Variants in LPAR3 observed in about 807,000 individuals in gnomAD.
The protein encoded by LPAR3 is LPA receptor 3.
A neutral mutation model predicts 17.8 loss-of-function variants in LPAR3; 7 were observed. The observed-to-expected ratio is 0.39, with a 90% CI of 0.22 to 0.74. The LOEUF (loss-of-function observed/expected upper bound fraction) is 0.74. LPAR3 is among the 30% of genes least tolerant of loss of function. The pLI, the probability that LPAR3 is intolerant of heterozygous loss-of-function variation, is 0.40. For synonymous variants in LPAR3, 179 were observed against 179.9 expected (o/e 0.99, Z 0.04); for missense variants, 391 against 453.4 (o/e 0.86, Z 1.25).
chr1:84,827,179 G>T (rs1170203912), intron 2 of LPAR3, among the ~76,000 whole-genome samples: 1 of 152,162 alleles, frequency 6.6e-6, no homozygotes, highest in Non-Finnish European at 1.5e-5. Flanking sequence ...TGTTATTGCA[G>T]TATTAATTTA....
intron 2 of LPAR3, among the ~76,000 whole-genome samples, chr1:84,830,526 G>A (rs1659263260): frequency 6.6e-6 from 1 of 151,928 alleles, no homozygotes; most frequent in South Asian, 2.1e-4. Flanking sequence ...CCATTCCACA[G>A]CACACTCTTA....
chr1:84,858,843 T>C (rs1205725144), intron 2 of LPAR3, among the ~76,000 whole-genome samples: 1 of 152,224 alleles, frequency 6.6e-6, no homozygotes, highest in Non-Finnish European at 1.5e-5. Context: ...GATTGTTGTA[T>C]GGACAAGACT....
At chr1:84,837,025 A>AAT (rs1298961872) in intron 2 of LPAR3, among the ~76,000 whole-genome samples, 1 of 141,390 alleles carries the variant, frequency 7.1e-6, no homozygotes, top group Non-Finnish European at 1.5e-5. Flanking sequence ...TACTTTATCA[A>AAT]TTTTTTTTTT....
chr1:84,864,654 C>T (rs1017790872), intron 2 of LPAR3, among the ~76,000 whole-genome samples: 4 of 151,832 alleles, frequency 2.6e-5, no homozygotes, highest in African/African-American at 9.7e-5. Context: ...TGGTGGTGCG[C>T]TGCCTGTAAT....
Position 84,865,537 on chromosome 1 carries a change from T to C in LPAR3, c.584A>G (p.Asn195Ser). The C allele has an allele frequency of 6.2e-7, 1 of 1,614,138 alleles. No homozygotes were observed. The highest frequency in any genetic ancestry group is 8.5e-7 in the Non-Finnish European group (1 of 1,180,026). Residue 195 changes from asparagine to serine, a missense_variant, in exon 2 of 3, where the codon AAC (asparagine) becomes AGC (serine). Transcript: ENST00000370611. ...RSYLVFWTVS[N>S]LMAFLIMVVV... is the part of the protein sequence containing the mutation. ...AACCATGATGAGGAAGGCCATGAGGTTGGACACTGTCCAGAAAACAAGGTA... is the reference window on the plus strand; with the variant it reads ...AACCATGATGAGGAAGGCCATGAGGCTGGACACTGTCCAGAAAACAAGGTA...
chr1:84,855,020 G>A (rs1242605293), intron 2 of LPAR3, among the ~76,000 whole-genome samples: 1 of 152,192 alleles, frequency 6.6e-6, no homozygotes, highest in East Asian at 1.9e-4. Flanking sequence ...GGGAGAGCAG[G>A]TGGCTGGGCT....
intron 1 of LPAR3, among the ~76,000 whole-genome samples, chr1:84,882,146 C>A (rs1031623427): frequency 6.6e-6 from 1 of 152,150 alleles, no homozygotes; most frequent in Non-Finnish European, 1.5e-5. Flanking sequence ...TTGCAGGATA[C>A]AAAATGCACA....
At chr1:84,826,350 G>A (rs1334411086) in intron 2 of LPAR3, among the ~76,000 whole-genome samples, 1 of 151,742 alleles carries the variant, frequency 6.6e-6, no homozygotes, top group African/African-American at 2.4e-5. Flanking sequence ...CAAATACTCT[G>A]GGAATACTAT....
chr1:84,834,317 A>AT (rs1659352418), intron 2 of LPAR3, among the ~76,000 whole-genome samples: 1 of 152,240 alleles, frequency 6.6e-6, no homozygotes, highest in South Asian at 2.1e-4. Context: ...ATAAATGAAC[A>AT]ATCTGAAGAT....
rs1206774677 is a variant in LPAR3, at chr1:84,813,158, T to TATATATATATAGAGAGAGAGAGAGAG, written c.*687_*688insCTCTCTCTCTCTCTCTATATATATAT. ...ATATATATATATATATATATATATA[T>TATATATATATAGAGAGAGAGAGAGAG]AGACACACACACACACACACACACA... On this transcript the variant is annotated 3_prime_UTR_variant, in exon 3 of 3. Transcript: ENST00000370611. 23 of 101,676 alleles carry TATATATATATAGAGAGAGAGAGAGAG rather than the reference T, an allele frequency of 2.3e-4. No homozygotes were observed. Among genetic ancestry groups the TATATATATATAGAGAGAGAGAGAGAG allele is most frequent in the Non-Finnish European group, 4.4e-4 (21 of 47,300 alleles). The allele number at this position is 101,676 out of a possible 1,614,324, so 6.3% of individuals were successfully genotyped here. A position where few individuals can be genotyped will look rare whatever the true frequency, so the allele number is the denominator to read the frequency against.
chr1:84,869,809 T>G (rs1660124109), intron 1 of LPAR3, among the ~76,000 whole-genome samples: 1 of 152,202 alleles, frequency 6.6e-6, no homozygotes. Context: ...AGGAAAAGCC[T>G]CAAAGATTTG....
At chr1:84,846,698 G>T (rs771253390) in intron 2 of LPAR3, among the ~76,000 whole-genome samples, 1 of 152,000 alleles carries the variant, frequency 6.6e-6, no homozygotes, top group Non-Finnish European at 1.5e-5. Flanking sequence ...CCATTAAATT[G>T]CTTTCATTAC....
At chr1:84,865,239 TA>T in intron 2 of LPAR3, 145 bp downstream of exon 2, 1 of 770,996 alleles carries the variant, frequency 1.3e-6, no homozygotes, top group Non-Finnish European at 2.1e-6. Flanking sequence ...TATTAGAGTG[TA>T]AGCTCCAGGT....
At chr1:84,872,669 A>G (rs1396137534) in intron 1 of LPAR3, among the ~76,000 whole-genome samples, 3 of 152,244 alleles carry the variant, frequency 2.0e-5, no homozygotes, top group African/African-American at 7.2e-5. Context: ...AGAATACCAA[A>G]TAAATAACAT....
At position 84,872,780 on chromosome 1, in the gene LPAR3, G is replaced by C. The variant is rs564747224; in HGVS notation, c.-18-6642C>G. ...GCACAATATGGAAATGGGGCGGGCG[G>C]TGGGGGCAGTTAGTGACGTCTCAGC... On this transcript the variant is annotated intron_variant, in intron 1 of 2. Coordinates refer to ENST00000370611, the MANE Select transcript of LPAR3 (RefSeq NM_012152.3). Among the ~76,000 whole-genome samples the C allele has an allele frequency of 3.3e-5, 5 of 152,284 alleles. No homozygotes were observed. The South Asian group carries it at 1.0e-3, about 32-fold the overall frequency.
At chr1:84,851,782 A>G (rs567565182) in intron 2 of LPAR3, among the ~76,000 whole-genome samples, 1 of 152,328 alleles carries the variant, frequency 6.6e-6, no homozygotes, top group South Asian at 2.1e-4. Context: ...GAGTGCATAG[A>G]AAAGGAGGCT....
intron 1 of LPAR3, among the ~76,000 whole-genome samples, chr1:84,877,728 T>C (rs569941102): frequency 3.9e-4 from 59 of 152,276 alleles, no homozygotes; most frequent in African/African-American, 1.1e-3. Flanking sequence ...GGAGGTGGGG[T>C]GGGGAGTCCC....
chr1:84,843,725 T>C (rs556986391), intron 2 of LPAR3, among the ~76,000 whole-genome samples: 1 of 152,392 alleles, frequency 6.6e-6, no homozygotes, highest in African/African-American at 2.4e-5. Context: ...CATGGCATTC[T>C]ATAAAGAAAG....
intron 2 of LPAR3, among the ~76,000 whole-genome samples, chr1:84,835,409 G>C (rs1216141286): frequency 1.3e-5 from 2 of 152,188 alleles, no homozygotes; most frequent in Non-Finnish European, 1.5e-5. Flanking sequence ...CTGTTATCAA[G>C]AAGGTCTTAC....
Sources: gnomAD v4.1 joint callset for allele counts (sites outside exome capture counted in the v4.1 genomes callset) on GRCh38, gnomAD v4.1.1 for gene constraint, MANE v1.5 for transcripts, NCBI Gene and HGNC (gene_info 2026-07-23, HGNC 2026-07-21) for gene names.